Variants in WWOX observed in about 807,000 individuals in gnomAD.
WWOX encodes the protein WW domain-containing oxidoreductase.
In WWOX, 69 loss-of-function variants were observed where a neutral mutation model predicts 46.2. The observed-to-expected ratio is 1.49, with a 90% CI of 1.23 to 1.82. The LOEUF (loss-of-function observed/expected upper bound fraction) is 1.82, where lower values mean the gene tolerates loss of function less well. WWOX is among the 40% of genes most tolerant of loss of function. WWOX has a pLI of 0.00. For synonymous variants in WWOX, 359 were observed against 202.6 expected (o/e 1.77, Z -6.56); for missense variants, 919 against 542.6 (o/e 1.69, Z -6.89).
At position 79,044,030 on chromosome 16, in the gene WWOX, C is replaced by T. The variant is rs140234750; in HGVS notation, c.1057-167578C>T. 4.6e-3 allele frequency among the ~76,000 whole-genome samples: 699 copies of T among 152,288 alleles called. 3 individuals are homozygous for T. Among genetic ancestry groups the T allele is most frequent in the Non-Finnish European group, 7.5e-3 (507 of 68,028 alleles). ...CTGAGTTATGTGCTCTCTCCTAGAG[C>T]CAGGAAGAGGCTTCGGCCCTGCCCA... On this transcript the variant is annotated intron_variant, in intron 8 of 8. Coordinates refer to ENST00000566780, the MANE Select transcript of WWOX (RefSeq NM_016373.4).
chr16:78,875,308 G>C (rs2044213172), intron 8 of WWOX, among the ~76,000 whole-genome samples: 1 of 152,146 alleles, frequency 6.6e-6, no homozygotes, highest in Non-Finnish European at 1.5e-5. Flanking sequence ...CCAGTGTGCT[G>C]ATCTCAGTGG....
intron 8 of WWOX, among the ~76,000 whole-genome samples, chr16:78,471,809 G>A (rs1385756131): frequency 6.6e-6 from 1 of 152,122 alleles, no homozygotes; most frequent in Non-Finnish European, 1.5e-5. Flanking sequence ...AAGGAGTGGT[G>A]TCATATCATG....
At chr16:78,356,787 C>T (rs2151910433) in intron 5 of WWOX, among the ~76,000 whole-genome samples, 1 of 152,150 alleles carries the variant, frequency 6.6e-6, no homozygotes, top group East Asian at 1.9e-4. Flanking sequence ...GAGGCTGAGG[C>T]AGGAGAATTT....
intron 5 of WWOX, among the ~76,000 whole-genome samples, chr16:78,353,744 G>A (rs1339239995): frequency 6.6e-6 from 1 of 151,798 alleles, no homozygotes; most frequent in South Asian, 2.1e-4. Context: ...AAGTGAGCAG[G>A]CTCACCTGCC....
chr16:78,418,499 C>G (rs1288553434), intron 6 of WWOX, among the ~76,000 whole-genome samples: 1 of 152,016 alleles, frequency 6.6e-6, no homozygotes, highest in Non-Finnish European at 1.5e-5. Flanking sequence ...AAAGATATCA[C>G]AAGAAAAGGA....
At chr16:79,189,724 G>A (rs888070584) in intron 8 of WWOX, among the ~76,000 whole-genome samples, 1 of 151,912 alleles carries the variant, frequency 6.6e-6, no homozygotes, top group African/African-American at 2.4e-5. Context: ...CAAGGGAGGG[G>A]TTTCATCCCG....
chr16:78,499,594 C>G (rs1215673536), intron 8 of WWOX, among the ~76,000 whole-genome samples: 4 of 152,186 alleles, frequency 2.6e-5, no homozygotes, highest in Non-Finnish European at 5.9e-5. Context: ...GCCCAGGGCC[C>G]CTTTGCCGGC....
chr16:78,683,952 G>C (rs1040917573), intron 8 of WWOX, among the ~76,000 whole-genome samples: 3 of 152,148 alleles, frequency 2.0e-5, no homozygotes, highest in Non-Finnish European at 2.9e-5. Context: ...AGGCAGTTTT[G>C]GGTAACTGTC....
intron 1 of WWOX, among the ~76,000 whole-genome samples, chr16:78,101,614 T>G (rs569977810): frequency 1.8e-4 from 27 of 152,166 alleles, no homozygotes; most frequent in Non-Finnish European, 3.1e-4. Flanking sequence ...AGCCACTGCG[T>G]CAGCCCAGAA....
In WWOX at chr16:78,350,981, C is replaced by G. The variant is rs146468310; in HGVS notation, c.517-35879C>G. ...ACTCGCTGTCATTTTTCTTTTTAGT[C>G]TTGTCATTTTATTGGGTATGAAGCG... On this transcript the variant is annotated intron_variant, in intron 5 of 8. Transcript: ENST00000566780. Among the ~76,000 whole-genome samples the G allele has an allele frequency of 1.8e-4, 10 of 56,218 alleles. 2 individuals carry two copies. Among genetic ancestry groups the G allele is most frequent in the Non-Finnish European group, 4.0e-4 (7 of 17,554 alleles). The allele number at this position is 56,218 out of a possible 152,430, so 36.9% of individuals were successfully genotyped here. A position where few individuals can be genotyped will look rare whatever the true frequency, so the allele number is the denominator to read the frequency against.
intron 8 of WWOX, among the ~76,000 whole-genome samples, chr16:78,868,192 G>C (rs2044048232): frequency 6.6e-6 from 1 of 152,154 alleles, no homozygotes; most frequent in South Asian, 2.1e-4. Flanking sequence ...ATACTACTCA[G>C]CAATGAAAAG....
At chr16:79,063,984 ACT>A (rs1307353552) in intron 8 of WWOX, among the ~76,000 whole-genome samples, 2 of 152,180 alleles carry the variant, frequency 1.3e-5, no homozygotes, top group Non-Finnish European at 2.9e-5. Flanking sequence ...CCTGGAGATG[ACT>A]CTAGCCAGGC....
At chr16:78,445,506 C>G (rs1422457247) in intron 8 of WWOX, among the ~76,000 whole-genome samples, 2 of 152,192 alleles carry the variant, frequency 1.3e-5, no homozygotes, top group African/African-American at 4.8e-5. Context: ...AATGAAGAGA[C>G]AAACCACTCC....
chr16:78,426,392 T>C (rs56149108), intron 7 of WWOX, among the ~76,000 whole-genome samples: 13,091 of 152,238 alleles, frequency 0.086, 685 homozygotes, highest in East Asian at 0.21. Flanking sequence ...TGTCAGCTGC[T>C]CACTCTCCTT....
At chr16:78,414,306 G>A (rs557936921) in intron 6 of WWOX, among the ~76,000 whole-genome samples, 27 of 152,252 alleles carry the variant, frequency 1.8e-4, no homozygotes, top group Non-Finnish European at 3.2e-4. Context: ...AGCCTGTTTG[G>A]TGGTCTCTTC....
chr16:78,593,833 T>C (rs1451423025), intron 8 of WWOX, among the ~76,000 whole-genome samples: 1 of 151,916 alleles, frequency 6.6e-6, no homozygotes, highest in Non-Finnish European at 1.5e-5. Flanking sequence ...GCTGAGGACA[T>C]ACGAGGAGTC....
At chr16:78,974,170 C>T (rs2046526710) in intron 8 of WWOX, among the ~76,000 whole-genome samples, 1 of 152,224 alleles carries the variant, frequency 6.6e-6, no homozygotes, top group African/African-American at 2.4e-5. Flanking sequence ...AAAATTCAAT[C>T]TCGTTAATAC....
intron 8 of WWOX, among the ~76,000 whole-genome samples, chr16:78,640,239 T>G (rs963461654): frequency 1.4e-5 from 2 of 144,276 alleles, no homozygotes; most frequent in East Asian, 2.0e-4. Context: ...TTTTTTTTTT[T>G]TTTTTTTTTT....
At chr16:79,138,826 G>C (rs961824618) in intron 8 of WWOX, among the ~76,000 whole-genome samples, 1 of 152,202 alleles carries the variant, frequency 6.6e-6, no homozygotes, top group Non-Finnish European at 1.5e-5. Flanking sequence ...GGACTCACCA[G>C]ATGTGGCAGG....
Sources: allele counts gnomAD v4.1 joint callset (sites outside exome capture counted in the v4.1 genomes callset), GRCh38; gene constraint gnomAD v4.1.1; transcripts MANE v1.5; gene names NCBI Gene and HGNC (gene_info 2026-07-23, HGNC 2026-07-21).